Variants in ABLIM2 observed in about 807,000 individuals in gnomAD.
ABLIM2 encodes actin binding LIM protein family member 2.
A neutral mutation model predicts 97.7 loss-of-function variants in ABLIM2; 53 were observed. The observed-to-expected ratio is 0.54, with a 90% CI of 0.44 to 0.68. The LOEUF (loss-of-function observed/expected upper bound fraction) is 0.68, where lower values mean the gene tolerates loss of function less well. Among genes scored for constraint, ABLIM2 ranks in the 30% least tolerant of loss-of-function variants. ABLIM2 has a pLI of 0.00. For missense variants in ABLIM2, 835 were observed against 867.2 expected (o/e 0.96, Z 0.47); for synonymous variants, 361 against 345.8 (o/e 1.04, Z -0.49).
rs1338081337 is a variant in ABLIM2, at chr4:8,005,236, G to A, written c.1618+2823C>T. On this transcript the variant is annotated intron_variant, in intron 16 of 20. Coordinates refer to ENST00000447017, the MANE Select transcript of ABLIM2 (RefSeq NM_001130083.2). The surrounding 1 kb of genome is among the most constrained non-coding windows in gnomAD (Gnocchi z 4.9). ...CTCTGCCTCTCTCAGCTCCCTGCAC[G>A]CTTCTCCAGGTCAGGGGCTGCTCTT... The A allele has an allele frequency of 8.0e-6, 4 of 499,412 alleles. No individual in the cohort carries two copies. The highest frequency in any genetic ancestry group is 1.9e-5 in the African/African-American group (1 of 51,434). The allele number at this position is 499,412 out of a possible 1,614,324, so 30.9% of individuals were successfully genotyped here. A position where few individuals can be genotyped will look rare whatever the true frequency, so the allele number is the denominator to read the frequency against.
chr4:8,077,588 C>T, intron 6 of ABLIM2, 40 bp downstream of exon 6: 1 of 1,555,858 alleles, frequency 6.4e-7, no homozygotes, highest in South Asian at 1.2e-5. Context: ...CAGTTAGGCC[C>T]TAGCTCAGAG....
In ABLIM2 at chr4:8,067,924, G is replaced by C. The variant is rs1375793999; in HGVS notation, c.676-6870C>G. ...AGAGGACATTTAGCTGGAAGGTACC[G>C]GCATGGCACAGGTCACCCCCTCCCT... On this transcript the variant is annotated intron_variant, in intron 6 of 20. Coordinates refer to ENST00000447017, the MANE Select transcript of ABLIM2 (RefSeq NM_001130083.2). This position sits in a 1 kb window ranked among gnomAD's most constrained non-coding sequence, Gnocchi z 5.4. Among the ~76,000 whole-genome samples, 2 of 152,138 alleles carry C rather than the reference G, an allele frequency of 1.3e-5. No homozygotes were observed. Among genetic ancestry groups the C allele is most frequent in the Admixed American group, 6.5e-5 (1 of 15,274 alleles).
At chr4:7,974,605 CA>C (rs60734011) in intron 20 of ABLIM2, among the ~76,000 whole-genome samples, 146,310 of 150,034 alleles carry the variant, frequency 0.98, 71,296 homozygotes, top group Middle Eastern at 1. Flanking sequence ...TCCTACCATC[CA>C]ATCCATCCAT....
At chr4:8,106,394 C>G (rs2152749756) in intron 2 of ABLIM2, 100 bp downstream of exon 2, 1 of 1,492,136 alleles carries the variant, frequency 6.7e-7, no homozygotes, top group South Asian at 1.3e-5. Flanking sequence ...TCCAGTATCC[C>G]AGGCCCAGGC....
chr4:7,987,547 T>A (rs1745329531), intron 17 of ABLIM2, among the ~76,000 whole-genome samples: 1 of 152,246 alleles, frequency 6.6e-6, no homozygotes, highest in Non-Finnish European at 1.5e-5. Flanking sequence ...CCACCTGGCA[T>A]GTCTGATGTG....
At chr4:8,045,917 C>T (rs1052945220) in intron 8 of ABLIM2, among the ~76,000 whole-genome samples, 1 of 152,138 alleles carries the variant, frequency 6.6e-6, no homozygotes, top group Non-Finnish European at 1.5e-5. Context: ...CTTGGTCACC[C>T]TGAAGACCCT....
intron 2 of ABLIM2, among the ~76,000 whole-genome samples, chr4:8,099,009 C>T (rs1444434512): frequency 2.0e-5 from 3 of 152,214 alleles, no homozygotes; most frequent in African/African-American, 4.8e-5. Flanking sequence ...CTGGGCGTTC[C>T]GGGGCGTTTA....
chr4:8,156,101 C>A (rs1715230408), intron 1 of ABLIM2, among the ~76,000 whole-genome samples: 1 of 152,164 alleles, frequency 6.6e-6, no homozygotes, highest in Non-Finnish European at 1.5e-5. Context: ...CCAGCAGCTG[C>A]CCAGGAGGAT....
chr4:8,014,919 T>C (rs541885798), intron 14 of ABLIM2, among the ~76,000 whole-genome samples: 35 of 143,784 alleles, frequency 2.4e-4, no homozygotes, highest in South Asian at 6.5e-4. Flanking sequence ...TTCCTTCCTT[T>C]CTTTCTTTTT....
In ABLIM2 at chr4:8,149,068, G is replaced by C. The variant is rs1335117909; in HGVS notation, c.10+9612C>G. ...GCCAGAGTGTGAAGGGGTCTGTAGG[G>C]CTGGGGCCATCTGGAGGCTCCGGGG... On this transcript the variant is annotated intron_variant, in intron 1 of 20. Coordinates refer to ENST00000447017, the MANE Select transcript of ABLIM2 (RefSeq NM_001130083.2). This position sits in a 1 kb window ranked among gnomAD's most constrained non-coding sequence, Gnocchi z 6.4. Among the ~76,000 whole-genome samples the C allele has an allele frequency of 1.3e-5, 2 of 152,152 alleles. No homozygotes were observed. Among genetic ancestry groups the C allele is most frequent in the Non-Finnish European group, 2.9e-5 (2 of 68,022 alleles).
chr4:7,989,794 T>C (rs1239268839), intron 17 of ABLIM2, among the ~76,000 whole-genome samples: 1 of 152,172 alleles, frequency 6.6e-6, no homozygotes, highest in Admixed American at 6.5e-5. Context: ...TGGGACTTCT[T>C]CCAGGGAGCT....
chr4:8,116,399 C>T (rs1266035290), intron 1 of ABLIM2, among the ~76,000 whole-genome samples: 3 of 152,200 alleles, frequency 2.0e-5, no homozygotes, highest in Non-Finnish European at 2.9e-5. Context: ...CCACCTCCTC[C>T]TCACTCTCCG....
chr4:8,037,130 A>G (rs958636833), intron 9 of ABLIM2, among the ~76,000 whole-genome samples: 4 of 152,160 alleles, frequency 2.6e-5, no homozygotes, highest in Admixed American at 2.0e-4. Flanking sequence ...TATTATTTTT[A>G]TATTATTTTA....
intron 18 of ABLIM2, among the ~76,000 whole-genome samples, chr4:7,984,178 C>T (rs939758849): frequency 1.3e-5 from 2 of 152,178 alleles, no homozygotes; most frequent in Non-Finnish European, 2.9e-5. Context: ...GACCCCGTGT[C>T]GGGAGCCGGT....
chr4:8,125,421 G>T lies in ABLIM2; in HGVS notation c.11-18784C>A, dbSNP rs1172229405. Among the ~76,000 whole-genome samples the T allele has an allele frequency of 2.0e-5, 3 of 152,218 alleles. No homozygotes were observed. Among genetic ancestry groups the T allele is most frequent in the Admixed American group, 6.5e-5 (1 of 15,284 alleles). On this transcript the variant is annotated intron_variant, in intron 1 of 20. Transcript: ENST00000447017. This position sits in a 1 kb window ranked among gnomAD's most constrained non-coding sequence, Gnocchi z 6.2. ...TATGTGACTGCTAGTTTTAATTGTG[G>T]ATACCCTTGCTTCGCATGTGAATCG... is the stretch of plus-strand genomic sequence containing the variant.
intron 1 of ABLIM2, among the ~76,000 whole-genome samples, chr4:8,137,973 T>C (rs1850421374): frequency 6.6e-6 from 1 of 152,186 alleles, no homozygotes; most frequent in South Asian, 2.1e-4. Context: ...TTCAGTGGAA[T>C]ATTATTCAGC....
chr4:8,154,186 T>G (rs1714341118), intron 1 of ABLIM2, among the ~76,000 whole-genome samples: 1 of 151,340 alleles, frequency 6.6e-6, no homozygotes, highest in Non-Finnish European at 1.5e-5. Flanking sequence ...ATGGTCTCCA[T>G]CTCCTGACCT....
At chr4:8,094,708 C>G (rs1830520753) in intron 3 of ABLIM2, among the ~76,000 whole-genome samples, 1 of 152,198 alleles carries the variant, frequency 6.6e-6, no homozygotes, top group African/African-American at 2.4e-5. Flanking sequence ...TTTACTTCTT[C>G]TTTCTTTGGA....
chr4:8,088,192 G>A lies in ABLIM2; in HGVS notation c.431C>T (p.Ala144Val), dbSNP rs545161493. 4.2e-5 allele frequency: 68 copies of A among 1,609,982 alleles called. No individual in the cohort carries two copies. Among genetic ancestry groups the A allele is most frequent in the Middle Eastern group, 1.7e-4 (1 of 6,060 alleles). ...CSLPVSVGSS[A>V]HLSQGLRSCG... ...ACTTCGGAGGCCCTGGGACAGGTGC[G>A]CGCTGCTGCCCACCGATACGGGCAG... Residue 144 changes from alanine to valine, a missense_variant, in exon 4 of 21, where the codon GCG becomes GTG. By Grantham distance (64) the Ala-to-Val change is moderately conservative (BLOSUM62 0). Coordinates refer to ENST00000447017, the MANE Select transcript of ABLIM2 (RefSeq NM_001130083.2).
Sources: gnomAD v4.1 joint callset for allele counts (sites outside exome capture counted in the v4.1 genomes callset) on GRCh38, gnomAD v4.1.1 for gene constraint, Gnocchi (gnomAD v3.1) non-coding constraint, MANE v1.5 for transcripts, NCBI Gene and HGNC (gene_info 2026-07-23, HGNC 2026-07-21) for gene names.